Variants in NFAM1 observed in about 807,000 individuals in gnomAD.
NFAM1 encodes the protein NFAT activating protein with ITAM motif 1.
A neutral mutation model predicts 29.0 loss-of-function variants in NFAM1; 17 were observed. That is an observed-to-expected ratio of 0.59 (90% CI 0.40 to 0.88). The LOEUF (loss-of-function observed/expected upper bound fraction) is 0.88, where lower values mean the gene tolerates loss of function less well. Among genes scored for constraint, NFAM1 ranks in the 40% least tolerant of loss-of-function variants. NFAM1 has a pLI of 0.00. For synonymous variants in NFAM1, 175 were observed against 147.2 expected (o/e 1.19, Z -1.36); for missense variants, 324 against 344.6 (o/e 0.94, Z 0.47).
chr22:42,401,650 C>T (rs1037435827), intron 3 of NFAM1, among the ~76,000 whole-genome samples: 2 of 152,142 alleles, frequency 1.3e-5, no homozygotes, highest in African/African-American at 4.8e-5. Flanking sequence ...GCTCTGTCCT[C>T]GGGGCCAACA....
intron 1 of NFAM1, among the ~76,000 whole-genome samples, chr22:42,414,449 G>A (rs1339069021): frequency 1.3e-5 from 2 of 151,936 alleles, no homozygotes; most frequent in African/African-American, 2.4e-5. Flanking sequence ...GTCCCCCAGG[G>A]ACCCAGGTGG....
upstream of NFAM1, among the ~76,000 whole-genome samples, chr22:42,435,723 TAA>T (rs1352909510): frequency 6.6e-6 from 1 of 151,808 alleles, no homozygotes; most frequent in Non-Finnish European, 1.5e-5. Context: ...AGACAAAACA[TAA>T]GTCATGGTTT....
chr22:42,402,831 C>CTTCTT (rs1555970270), intron 3 of NFAM1, among the ~76,000 whole-genome samples: 1,435 of 97,174 alleles, frequency 0.015, 69 homozygotes, highest in African/African-American at 0.065. Flanking sequence ...TCTGTGCCTT[C>CTTCTT]TTTTTTTTTT....
chr22:42,420,767 CACAAACAA>C (rs891338644), intron 1 of NFAM1, among the ~76,000 whole-genome samples: 2 of 152,098 alleles, frequency 1.3e-5, no homozygotes, highest in African/African-American at 4.8e-5. Flanking sequence ...GAGACTCTGT[CACAAACAA>C]ACAAACAAAC....
rs1929852008 is a variant in NFAM1 at position 42,405,118 on chromosome 22, A to AG, written c.564+4316dup. Among the ~76,000 whole-genome samples, 2 of 152,154 alleles carry AG rather than the reference A, an allele frequency of 1.3e-5. 1 individual carries two copies. The highest frequency in any genetic ancestry group is 4.1e-4 in the South Asian group (2 of 4,834). On this transcript the variant is annotated intron_variant, in intron 3 of 5. Coordinates refer to ENST00000329021, the MANE Select transcript of NFAM1 (RefSeq NM_145912.8). ...GAGGCCATCCTGGAGGGGAGGGAGC[A>AG]GGGACCAGAACTCAAGCCCAGGGCT...
chr22:42,434,107 C>T (rs1930883654), upstream of NFAM1, among the ~76,000 whole-genome samples: 1 of 152,176 alleles, frequency 6.6e-6, no homozygotes, highest in African/African-American at 2.4e-5. Context: ...CCCCACACCC[C>T]AACTCTGTAC....
Position 42,397,928 on chromosome 22 carries a change from G to A in NFAM1, c.593C>T (p.Pro198Leu). The change falls in exon 4 of 6, where the codon CCC becomes CTC. Residue 198 changes from proline (P) to leucine (L), a missense_variant. Transcript: ENST00000329021. ...TCTTGGATCTGGGCACTTCCTGGTG[G>A]GGTCCTTCCCTGGACCCCGCATCCG... The part of the protein sequence containing the change: ...KKRMRGPGKD[P>L]TRKCPDPRSA... 6.2e-7 allele frequency: 1 copy of A among 1,610,436 alleles called. No individual in the cohort carries two copies. The highest frequency in any genetic ancestry group is 8.5e-7 in the Non-Finnish European group (1 of 1,177,852).
chr22:42,408,358 C>A (rs1364329156), intron 3 of NFAM1, among the ~76,000 whole-genome samples: 1 of 152,112 alleles, frequency 6.6e-6, no homozygotes, highest in Non-Finnish European at 1.5e-5. Context: ...CCTTCAGATG[C>A]AGGGGCTGAG....
At chr22:42,387,361 C>T (rs1569224801) in intron 4 of NFAM1, among the ~76,000 whole-genome samples, 1 of 152,106 alleles carries the variant, frequency 6.6e-6, no homozygotes. Context: ...TCCAGGCTTC[C>T]ACCTGGCTGG....
intron 3 of NFAM1, among the ~76,000 whole-genome samples, chr22:42,402,084 G>A (rs748167201): frequency 3.3e-5 from 5 of 152,224 alleles, no homozygotes; most frequent in Non-Finnish European, 5.9e-5. Flanking sequence ...TGTGACAGAA[G>A]CCAGGGTGTG....
intron 1 of NFAM1, among the ~76,000 whole-genome samples, chr22:42,430,084 G>A (rs994244291): frequency 6.7e-6 from 1 of 149,244 alleles, no homozygotes; most frequent in African/African-American, 2.5e-5. Flanking sequence ...GCAACACTGT[G>A]AGTCTCTATC....
chr22:42,387,971 C>T (rs562181467), intron 4 of NFAM1, among the ~76,000 whole-genome samples: 3 of 152,338 alleles, frequency 2.0e-5, no homozygotes, highest in Admixed American at 2.0e-4. Context: ...CAGATGGGAA[C>T]CCCTTGAGGG....
chr22:42,411,396 G>T lies in NFAM1; in HGVS notation c.451+11C>A. 1.2e-6 allele frequency: 2 copies of T among 1,603,614 alleles called. No homozygotes were observed. Among genetic ancestry groups the T allele is most frequent in the Admixed American group, 1.7e-5 (1 of 59,212 alleles). On this transcript the variant is annotated intron_variant, in intron 2 of 5. Coordinates refer to ENST00000329021, the MANE Select transcript of NFAM1 (RefSeq NM_145912.8). ...TCCTTTGCCCTGGAAGAGCCACAGA[G>T]GAAGCCTTACCTCTGACCAGGATGA...
intron 4 of NFAM1, among the ~76,000 whole-genome samples, chr22:42,392,431 G>A (rs771745336): frequency 1.3e-5 from 2 of 152,214 alleles, no homozygotes; most frequent in East Asian, 1.9e-4. Flanking sequence ...AGGTTCTGGC[G>A]AAGAGGAGGG....
chr22:42,385,274 T>A, intron 5 of NFAM1, 54 bp from the exon 6 acceptor site: 1 of 1,284,600 alleles, frequency 7.8e-7, no homozygotes, highest in Non-Finnish European at 1.1e-6. Context: ...GAATGACCAT[T>A]AAGAATGAAC....
At chr22:42,395,271 C>T (rs1320983981) in intron 4 of NFAM1, among the ~76,000 whole-genome samples, 5 of 151,190 alleles carry the variant, frequency 3.3e-5, no homozygotes, top group East Asian at 2.0e-4. Context: ...GTCAGGAGTT[C>T]GAGACCAGCC....
intron 3 of NFAM1, among the ~76,000 whole-genome samples, chr22:42,398,253 C>T (rs1929599412): frequency 1.3e-5 from 2 of 152,304 alleles, no homozygotes; most frequent in South Asian, 4.1e-4. Flanking sequence ...TGGGGCAGGG[C>T]CCCAGGGACC....
In NFAM1 at chr22:42,395,881, CA is replaced by C. The variant is rs60278301; in HGVS notation, c.663+1976del. On this transcript the variant is annotated intron_variant, in intron 4 of 5. Transcript: ENST00000329021. Reference sequence around the variant, plus strand: ...CTGGGCGACAGAGCGAGACTCTGCTCAAAAAAAAAAAAAAAAGAAAGAAAAG... The same window carrying C: ...CTGGGCGACAGAGCGAGACTCTGCTCAAAAAAAAAAAAAAAGAAAGAAAAG... Among the ~76,000 whole-genome samples the C allele has an allele frequency of 3.8e-3, 356 of 93,764 alleles. 1 individual carries two copies. The highest frequency in any genetic ancestry group is 9.8e-3 in the African/African-American group (263 of 26,854). The allele number at this position is 93,764 out of a possible 152,430, so 61.5% of individuals were successfully genotyped here. A position where few individuals can be genotyped will look rare whatever the true frequency, so the allele number is the denominator to read the frequency against.
chr22:42,433,213 G>A (rs150233914), upstream of NFAM1, among the ~76,000 whole-genome samples: 19 of 152,298 alleles, frequency 1.2e-4, no homozygotes, highest in East Asian at 2.1e-3. Context: ...ATCTGCCTGC[G>A]TGTCTGGAGT....
Sources: gnomAD v4.1 joint callset for allele counts (sites outside exome capture counted in the v4.1 genomes callset) on GRCh38, gnomAD v4.1.1 for gene constraint, MANE v1.5 for transcripts, NCBI Gene and HGNC (gene_info 2026-07-23, HGNC 2026-07-21) for gene names.